The following DDR2 variants were observed in gnomAD, a reference collection of about 807,000 sequenced individuals.
DDR2 encodes the protein discoidin domain receptor tyrosine kinase 2.
In DDR2, 27 loss-of-function variants were observed where a neutral mutation model predicts 94.9. The ratio of observed to expected loss-of-function variants is 0.28; its 90% CI spans 0.21 to 0.39. DDR2 has a LOEUF of 0.39. Among genes scored for constraint, DDR2 ranks in the 10% least tolerant of loss-of-function variants. The probability of loss-of-function intolerance (pLI) is 1.00; values close to 1 mark genes in which losing one functional copy is unlikely to be tolerated. For missense variants in DDR2, 783 were observed against 1,076.0 expected, an observed-to-expected ratio of 0.73 and a Z score of 3.81; for synonymous variants, 382 against 377.2, an observed-to-expected ratio of 1.01 and a Z score of -0.15.
chr1:162,679,056 T>A (rs1042130547), intron 2 of DDR2, among the ~76,000 whole-genome samples: 2 of 152,164 alleles, frequency 1.3e-5, no homozygotes, highest in African/African-American at 2.4e-5. Context: ...TTTTTTTTTT[T>A]TAACTTTCAT....
chr1:162,637,697 A>G (rs907144832), intron 1 of DDR2, among the ~76,000 whole-genome samples: 3 of 152,020 alleles, frequency 2.0e-5, no homozygotes, highest in Admixed American at 6.6e-5. Flanking sequence ...TATTAGAAAA[A>G]TTTTTTTTCT....
chr1:162,759,505 T>C (rs1663613202), intron 7 of DDR2, among the ~76,000 whole-genome samples: 1 of 152,204 alleles, frequency 6.6e-6, no homozygotes, highest in Non-Finnish European at 1.5e-5. Context: ...TGCAATAAAT[T>C]ATAGAAAGCT....
chr1:162,657,445 G>A (rs543148636), intron 2 of DDR2, among the ~76,000 whole-genome samples: 1 of 152,312 alleles, frequency 6.6e-6, no homozygotes, highest in Non-Finnish European at 1.5e-5. Context: ...CCAATCTGGA[G>A]AACTAATGAG....
intron 1 of DDR2, among the ~76,000 whole-genome samples, chr1:162,654,566 A>G (rs1375540097): frequency 2.0e-5 from 3 of 152,230 alleles, no homozygotes; most frequent in African/African-American, 2.4e-5. Flanking sequence ...ATAATTAGTT[A>G]TATCTGAAGG....
chr1:162,680,750 A>G (rs897562996), intron 2 of DDR2, among the ~76,000 whole-genome samples: 6 of 152,230 alleles, frequency 3.9e-5, no homozygotes, highest in Non-Finnish European at 8.8e-5. Context: ...AATATAACCC[A>G]ACCTTAAAGA....
chr1:162,742,015 C>T (rs1056258043), intron 3 of DDR2, among the ~76,000 whole-genome samples: 4 of 152,188 alleles, frequency 2.6e-5, no homozygotes, highest in Non-Finnish European at 4.4e-5. Context: ...GTTAGTGTTT[C>T]CTCATCCTTA....
intron 2 of DDR2, among the ~76,000 whole-genome samples, chr1:162,689,470 C>T (rs528790385): frequency 3.3e-5 from 5 of 152,160 alleles, no homozygotes; most frequent in East Asian, 3.9e-4. Flanking sequence ...AGTCTGTGCT[C>T]GTGACCACCA....
At chr1:162,715,024 A>G (rs1661099799) in intron 2 of DDR2, among the ~76,000 whole-genome samples, 2 of 152,200 alleles carry the variant, frequency 1.3e-5, no homozygotes, top group South Asian at 4.1e-4. Context: ...CACATGTCAC[A>G]TTGTTTAAAT....
chr1:162,685,036 G>A (rs1490974779), intron 2 of DDR2, among the ~76,000 whole-genome samples: 2 of 152,090 alleles, frequency 1.3e-5, no homozygotes, highest in Admixed American at 1.3e-4. Flanking sequence ...GGCTACAAGG[G>A]TGAATTCTGG....
intron 1 of DDR2, among the ~76,000 whole-genome samples, chr1:162,652,138 A>G (rs1442586854): frequency 1.3e-5 from 2 of 152,212 alleles, no homozygotes; most frequent in Non-Finnish European, 2.9e-5. Flanking sequence ...TAGCATCTCT[A>G]AATATTAGTT....
chr1:162,772,278 CGAA>C (rs776002382), intron 13 of DDR2, 31 bp downstream of exon 13: 1 of 1,607,602 alleles, frequency 6.2e-7, no homozygotes, highest in East Asian at 2.2e-5. Context: ...CCTTATAGCT[CGAA>C]GAAGGTGGTT....
intron 2 of DDR2, among the ~76,000 whole-genome samples, chr1:162,706,383 T>C (rs1276335835): frequency 1.3e-5 from 2 of 152,194 alleles, no homozygotes; most frequent in African/African-American, 4.8e-5. Context: ...TTCATATGTG[T>C]TCATATCCTC....
chr1:162,674,640 G>A (rs548209904), intron 2 of DDR2, among the ~76,000 whole-genome samples: 2 of 152,232 alleles, frequency 1.3e-5, no homozygotes, highest in South Asian at 4.1e-4. Context: ...AGCAATCTCT[G>A]TTTTATTTTT....
At chr1:162,673,891 A>C (rs1357048826) in intron 2 of DDR2, among the ~76,000 whole-genome samples, 1 of 152,128 alleles carries the variant, frequency 6.6e-6, no homozygotes, top group African/African-American at 2.4e-5. Flanking sequence ...GTAGAGTAGA[A>C]AGAGCCTTAG....
rs759135161 is a variant in DDR2, at chr1:162,778,702, A to T, written c.2406A>T (p.Gly802=). Residue 802 remains glycine, a synonymous_variant, in exon 17 of 18, where the codon GGA becomes GGT. Transcript: ENST00000367921. ...LSDEQVIENT[G]EFFRDQGRQT... is the part of the protein sequence containing the mutation. ...ATGAACAGGTTATTGAGAATACTGG[A>T]GAGTTCTTCCGAGACCAAGGGAGGC... is the stretch of plus-strand genomic sequence containing the variant. The T allele has an allele frequency of 6.2e-7, 1 of 1,613,990 alleles. No individual in the cohort carries two copies. The highest frequency in any genetic ancestry group is 1.3e-5 in the African/African-American group (1 of 75,020).
At chr1:162,696,145 C>G (rs115752476) in intron 2 of DDR2, among the ~76,000 whole-genome samples, 3 of 150,236 alleles carry the variant, frequency 2.0e-5, no homozygotes, top group Admixed American at 1.3e-4. Flanking sequence ...TTCATGGGTT[C>G]GGCATATCTT....
At position 162,737,581 on chromosome 1, in the gene DDR2, C is replaced by T. The variant is rs537124789; in HGVS notation, c.83-15514C>T. Among the ~76,000 whole-genome samples the T allele has an allele frequency of 3.2e-4, 40 of 123,250 alleles. No individual in the cohort carries two copies. In the East Asian group the frequency reaches 8.5e-3, roughly 26 times the overall value. The allele number at this position is 123,250 out of a possible 152,430, so 80.9% of individuals were successfully genotyped here. ...CATTGTTGGACATTTGGGTTGGTTC[C>T]AAGTCTTTGCTATTGTGAATAATGC... On this transcript the variant is annotated intron_variant, in intron 3 of 17. Coordinates refer to ENST00000367921, the MANE Select transcript of DDR2 (RefSeq NM_006182.4).
intron 1 of DDR2, among the ~76,000 whole-genome samples, chr1:162,638,226 G>A (rs774772282): frequency 7.9e-5 from 12 of 152,090 alleles, no homozygotes; most frequent in Non-Finnish European, 1.3e-4. Context: ...TCACCAGGTT[G>A]GCCAGGCTGG....
At chr1:162,667,899 G>T (rs934402624) in intron 2 of DDR2, among the ~76,000 whole-genome samples, 4 of 152,182 alleles carry the variant, frequency 2.6e-5, no homozygotes, top group African/African-American at 9.7e-5. Context: ...ATTTGCAGAT[G>T]CAGTCAATTG....
Sources: allele counts gnomAD v4.1 joint callset (sites outside exome capture counted in the v4.1 genomes callset), GRCh38; gene constraint gnomAD v4.1.1; transcripts MANE v1.5; gene names NCBI Gene and HGNC (gene_info 2026-07-23, HGNC 2026-07-21).